The following KANSL1L variants were observed in gnomAD, a reference collection of about 807,000 sequenced individuals.
The protein encoded by KANSL1L is KAT8 regulatory NSL complex subunit 1-like protein.
In KANSL1L, 25 loss-of-function variants were observed where a neutral mutation model predicts 108.6. The ratio of observed to expected loss-of-function variants is 0.23; its 90% CI spans 0.17 to 0.32. KANSL1L has a LOEUF of 0.32. KANSL1L is among the 10% of genes least tolerant of loss of function. KANSL1L has a pLI of 1.00. For synonymous variants in KANSL1L, 405 were observed against 395.1 expected, an observed-to-expected ratio of 1.03 and a Z score of -0.30; for missense variants, 1,137 against 1,125.7, an observed-to-expected ratio of 1.01 and a Z score of -0.14.
chr2:210,163,905 T>A (rs965274595), intron 1 of KANSL1L, among the ~76,000 whole-genome samples: 1 of 152,114 alleles, frequency 6.6e-6, no homozygotes, highest in Non-Finnish European at 1.5e-5. Flanking sequence ...AAATATTTCT[T>A]GAACAAATAC....
chr2:210,055,224 C>T (rs1326923705), intron 6 of KANSL1L, among the ~76,000 whole-genome samples: 1 of 152,194 alleles, frequency 6.6e-6, no homozygotes, highest in Non-Finnish European at 1.5e-5. Flanking sequence ...ATGTTTGCTT[C>T]CCCTTCTTCC....
chr2:210,054,911 A>G (rs1485455569), intron 6 of KANSL1L, among the ~76,000 whole-genome samples: 1 of 152,208 alleles, frequency 6.6e-6, no homozygotes, highest in Non-Finnish European at 1.5e-5. Flanking sequence ...AGAACAAACA[A>G]AGTTACTACA....
At position 210,115,806 on chromosome 2, in the gene KANSL1L, C is replaced by G. The variant is rs539045888; in HGVS notation, c.1231-11505G>C. ...CACCTGTTAATCCCAATATCTACCCCCAAATCTATTCTAATAAAAATGTTA... is the reference window on the plus strand; with the variant it reads ...CACCTGTTAATCCCAATATCTACCCGCAAATCTATTCTAATAAAAATGTTA... On this transcript the variant is annotated intron_variant, in intron 3 of 14. Coordinates refer to ENST00000281772, the MANE Select transcript of KANSL1L (RefSeq NM_152519.4). Among the ~76,000 whole-genome samples, 100 of 152,278 alleles carry G rather than the reference C, an allele frequency of 6.6e-4. 1 individual carries two copies. The South Asian group carries it at 0.02, about 30-fold the overall frequency.
chr2:210,037,505 C>G (rs2094120017), intron 8 of KANSL1L, among the ~76,000 whole-genome samples: 1 of 152,168 alleles, frequency 6.6e-6, no homozygotes. Context: ...GGCTTTTCCC[C>G]CTAAGCATAG....
At chr2:210,028,734 G>T in intron 11 of KANSL1L, 111 bp downstream of exon 11, 1 of 787,286 alleles carries the variant, frequency 1.3e-6, no homozygotes, top group Non-Finnish European at 2.0e-6. Flanking sequence ...CCATGGCTAT[G>T]AAGGAACTGG....
rs778583795 is a variant in KANSL1L, at chr2:210,129,165, T to C, written c.1096A>G (p.Ser366Gly). The change falls in exon 3 of 15, where the codon AGT becomes GGT. Residue 366 changes from serine (S) to glycine (G), a missense_variant. Ser to Gly is a moderately conservative substitution (Grantham distance 56, BLOSUM62 0). Around this residue, in one of 3 missense-constraint regions of KANSL1L, gnomAD observed 556 missense variants for 537.7 expected, o/e 1.03. Transcript: ENST00000281772. Reference sequence around the variant, plus strand: ...TCTACAAGCCACTTCCATTCAGTACTACAGTTACTGTGAACAAAACAAACA... The same window carrying C: ...TCTACAAGCCACTTCCATTCAGTACCACAGTTACTGTGAACAAAACAAACA... ...TLRKNVAVNC[S>G]TEWKWLVDRA... 3.7e-6 allele frequency: 6 copies of C among 1,611,486 alleles called. No individual in the cohort carries two copies. The East Asian group carries it at 1.3e-4, about 36-fold the overall frequency.
chr2:210,046,152 A>C (rs1355465651), intron 6 of KANSL1L, among the ~76,000 whole-genome samples: 2 of 152,106 alleles, frequency 1.3e-5, no homozygotes, highest in Non-Finnish European at 2.9e-5. Flanking sequence ...ATGACCTATT[A>C]ACTTCCCAAA....
chr2:210,075,975 G>C (rs1027750582), intron 5 of KANSL1L, among the ~76,000 whole-genome samples: 1 of 152,076 alleles, frequency 6.6e-6, no homozygotes, highest in Non-Finnish European at 1.5e-5. Flanking sequence ...ATTTTCTCCT[G>C]CAAAACAAAT....
chr2:210,093,868 T>C (rs1449313391), intron 5 of KANSL1L, among the ~76,000 whole-genome samples: 2 of 152,136 alleles, frequency 1.3e-5, no homozygotes, highest in African/African-American at 2.4e-5. Context: ...TATATAAAAA[T>C]AGAATATTAT....
At chr2:210,127,578 C>T (rs1023429149) in intron 3 of KANSL1L, among the ~76,000 whole-genome samples, 2 of 151,786 alleles carry the variant, frequency 1.3e-5, no homozygotes, top group Non-Finnish European at 2.9e-5. Flanking sequence ...ATCAGGGGAT[C>T]ATTTAAGTCT....
At chr2:210,162,251 A>C (rs1553684645) in intron 1 of KANSL1L, among the ~76,000 whole-genome samples, 1 of 41,218 alleles carries the variant, frequency 2.4e-5, no homozygotes, top group Non-Finnish European at 5.5e-5. Flanking sequence ...TATGTATATC[A>C]ATAAAAATTA....
intron 6 of KANSL1L, among the ~76,000 whole-genome samples, chr2:210,061,475 AT>A (rs1442599566): frequency 6.6e-6 from 1 of 152,222 alleles, no homozygotes; most frequent in Non-Finnish European, 1.5e-5. Flanking sequence ...TCAGATAAAC[AT>A]TTTTAAATTA....
At chr2:210,130,492 AT>A (rs779147153) in intron 2 of KANSL1L, among the ~76,000 whole-genome samples, 1 of 152,162 alleles carries the variant, frequency 6.6e-6, no homozygotes, top group Non-Finnish European at 1.5e-5. Context: ...TTATAACAGG[AT>A]TTTACATTAT....
intron 3 of KANSL1L, among the ~76,000 whole-genome samples, chr2:210,111,937 T>C (rs1166792827): frequency 2.1e-5 from 3 of 141,622 alleles, no homozygotes; most frequent in Non-Finnish European, 4.6e-5. Flanking sequence ...CCTGTGTTCA[T>C]GTGTTCTCAT....
chr2:210,120,355 G>A (rs1043722600), intron 3 of KANSL1L, among the ~76,000 whole-genome samples: 1 of 152,152 alleles, frequency 6.6e-6, no homozygotes, highest in South Asian at 2.1e-4. Flanking sequence ...TCACGCCACT[G>A]TACTCCAGCT....
chr2:210,079,956 A>C (rs1344835108), intron 5 of KANSL1L: 1 of 151,492 alleles, frequency 6.6e-6, no homozygotes, highest in African/African-American at 2.4e-5. Context: ...TTTCAGGCTT[A>C]TACCTTTCTA....
chr2:210,123,449 G>A (rs1181569787), intron 3 of KANSL1L, among the ~76,000 whole-genome samples: 1 of 152,050 alleles, frequency 6.6e-6, no homozygotes, highest in Non-Finnish European at 1.5e-5. Flanking sequence ...AATTGTGCAT[G>A]TTCTCACTTG....
intron 7 of KANSL1L, among the ~76,000 whole-genome samples, chr2:210,041,434 TTTTA>T (rs1267196854): frequency 1.3e-5 from 2 of 152,172 alleles, no homozygotes; most frequent in Admixed American, 6.5e-5. Flanking sequence ...AGATTTTATT[TTTTA>T]TTTGTTTTTA....
intron 3 of KANSL1L, 56 bp downstream of exon 3, chr2:210,128,975 G>C: frequency 7.3e-7 from 1 of 1,364,120 alleles, no homozygotes; most frequent in Non-Finnish European, 1.0e-6. Flanking sequence ...CAAATGAGAA[G>C]GAATGAAAAC....
Sources: gnomAD v4.1 joint callset for allele counts (sites outside exome capture counted in the v4.1 genomes callset) on GRCh38, gnomAD v4.1.1 for gene constraint, gnomAD v4.1.1 regional missense constraint, MANE v1.5 for transcripts, NCBI Gene and HGNC (gene_info 2026-07-23, HGNC 2026-07-21) for gene names.